RABEP1: variants seen among roughly 807,000 people sequenced by gnomAD.
RABEP1 encodes the protein rabaptin, RAB GTPase binding effector protein 1.
In RABEP1, 51 loss-of-function variants were observed where a neutral mutation model predicts 123.4. That is an observed-to-expected ratio of 0.41 (90% CI 0.33 to 0.52). The LOEUF (loss-of-function observed/expected upper bound fraction) is 0.52, where lower values mean the gene tolerates loss of function less well. RABEP1 is among the 20% of genes least tolerant of loss of function. The pLI is 0.16. For synonymous variants in RABEP1, 347 were observed against 355.2 expected (o/e 0.98, Z 0.26); for missense variants, 888 against 996.3 (o/e 0.89, Z 1.46).
chr17:5,291,471 AAATT>A (rs1224240423), intron 1 of RABEP1, among the ~76,000 whole-genome samples: 4 of 152,240 alleles, frequency 2.6e-5, no homozygotes, highest in South Asian at 4.1e-4. Context: ...TCTACATTTT[AAATT>A]AATTTTTATA....
rs1908835418 is a variant in RABEP1, at chr17:5,354,412, T to C, written c.1017T>C (p.Asp339=). ...LNKRKDHKKA[D]VEEEIKIPVV... ...AGAGAAAGGATCACAAAAAAGCAGATGTTGAGGAAGAAATAAAAATACCAG... is the reference window on the plus strand; with the variant it reads ...AGAGAAAGGATCACAAAAAAGCAGACGTTGAGGAAGAAATAAAAATACCAG... The change falls in exon 8 of 18, where the codon GAT becomes GAC. Residue 339 remains aspartate, a synonymous_variant. Coordinates refer to ENST00000537505, the MANE Select transcript of RABEP1 (RefSeq NM_004703.6). 6.2e-7 allele frequency: 1 copy of C among 1,613,098 alleles called. No homozygotes were observed. Among genetic ancestry groups the C allele is most frequent in the Non-Finnish European group, 8.5e-7 (1 of 1,179,484 alleles).
At chr17:5,337,442 T>C (rs1907199453) in intron 4 of RABEP1, among the ~76,000 whole-genome samples, 1 of 152,170 alleles carries the variant, frequency 6.6e-6, no homozygotes, top group African/African-American at 2.4e-5. Flanking sequence ...TCCCAGCACT[T>C]TGGGAGGCCG....
At position 5,385,929 on chromosome 17, in the gene RABEP1, A is replaced by AAACTC. The variant is rs1468946372; in HGVS notation, c.*2709_*2713dup. On this transcript the variant is annotated 3_prime_UTR_variant, in exon 18 of 18. Transcript: ENST00000537505. Reference sequence around the variant, plus strand: ...TAACTAACTTGCTCAAATATGGAGAAAACTCAATAGGGTTCAGGGAGGTTC... The same window carrying AAACTC: ...TAACTAACTTGCTCAAATATGGAGAAAACTCAACTCAATAGGGTTCAGGGAGGTTC... The AAACTC allele has an allele frequency of 2.7e-6, 1 of 367,416 alleles. No individual in the cohort carries two copies. The highest frequency in any genetic ancestry group is 4.8e-6 in the Non-Finnish European group (1 of 206,944). The allele number at this position is 367,416 out of a possible 1,614,324, so 22.8% of individuals were successfully genotyped here.
chr17:5,385,967 G>GTGTGAAA lies in RABEP1; in HGVS notation c.*2746_*2752dup, dbSNP rs1229324688. 8 of 468,912 alleles carry GTGTGAAA rather than the reference G, an allele frequency of 1.7e-5. No homozygotes were observed. The highest frequency in any genetic ancestry group is 4.0e-5 in the African/African-American group (2 of 49,384). The allele number at this position is 468,912 out of a possible 1,614,324, so 29.0% of individuals were successfully genotyped here. A position where few individuals can be genotyped will look rare whatever the true frequency, so the allele number is the denominator to read the frequency against. On this transcript the variant is annotated 3_prime_UTR_variant, in exon 18 of 18. Coordinates refer to ENST00000537505, the MANE Select transcript of RABEP1 (RefSeq NM_004703.6). The stretch of plus-strand genomic sequence containing the variant: ...TTCAGGGAGGTTCTGGCAGTGTGCA[G>GTGTGAAA]TGTGAAATAATCCTGAGTCCTTGCT...
chr17:5,328,200 A>G (rs970805968), intron 2 of RABEP1, among the ~76,000 whole-genome samples: 1 of 152,230 alleles, frequency 6.6e-6, no homozygotes, highest in African/African-American at 2.4e-5. Context: ...AAGGTAGTGT[A>G]TTTGTGATGT....
At chr17:5,286,989 C>A (rs913853970) in intron 1 of RABEP1, among the ~76,000 whole-genome samples, 1 of 152,112 alleles carries the variant, frequency 6.6e-6, no homozygotes, top group Non-Finnish European at 1.5e-5. Context: ...GAAGGGTGTT[C>A]TAGGCAGGGA....
intron 2 of RABEP1, among the ~76,000 whole-genome samples, chr17:5,309,085 C>G (rs774119303): frequency 4.6e-5 from 7 of 152,112 alleles, no homozygotes; most frequent in Non-Finnish European, 1.0e-4. Flanking sequence ...TGTTATTGCT[C>G]TTAACATTTG....
At chr17:5,287,620 A>C (rs1016154181) in intron 1 of RABEP1, among the ~76,000 whole-genome samples, 11 of 138,784 alleles carry the variant, frequency 7.9e-5, no homozygotes, top group African/African-American at 1.0e-4. Flanking sequence ...AAAAAAAAAA[A>C]AAACCCAAAA....
chr17:5,374,432 T>C (rs1910809880), intron 13 of RABEP1, among the ~76,000 whole-genome samples: 1 of 150,960 alleles, frequency 6.6e-6, no homozygotes, highest in African/African-American at 2.4e-5. Flanking sequence ...TTATCCAAGC[T>C]TAATTTTTAA....
At position 5,350,731 on chromosome 17, in the gene RABEP1, C is replaced by G. The variant is rs1908471088; in HGVS notation, c.963+102C>G. 1.8e-5 allele frequency: 23 copies of G among 1,297,062 alleles called. No homozygotes were observed. The South Asian group carries it at 2.7e-4, about 15-fold the overall frequency. The allele number at this position is 1,297,062 out of a possible 1,614,324, so 80.3% of individuals were successfully genotyped here. A position where few individuals can be genotyped will look rare whatever the true frequency, so the allele number is the denominator to read the frequency against. On this transcript the variant is annotated intron_variant, in intron 7 of 17. Transcript: ENST00000537505. ...TATTAGAGACTGACTTAAGCTGCAA[C>G]AAGGTGATAAAGGTGATATGTGCCA...
In RABEP1 at chr17:5,368,384, C is replaced by G. The variant is rs117426331; in HGVS notation, c.1800C>G (p.Val600=). ...EDSSHQISAL[V]LRAQASEILL... is the part of the protein sequence containing the mutation. ...TTTTTTTAAAGATCTCTGCACTCGTCCTAAGAGCCCAGGCCTCCGAGATCT... is the reference window on the plus strand; with the variant it reads ...TTTTTTTAAAGATCTCTGCACTCGTGCTAAGAGCCCAGGCCTCCGAGATCT... The change falls in exon 12 of 18, where the codon GTC becomes GTG. Residue 600 remains valine, a synonymous_variant. Transcript: ENST00000537505. 1.2e-6 allele frequency: 2 copies of G among 1,612,820 alleles called. No homozygotes were observed. The highest frequency in any genetic ancestry group is 1.7e-6 in the Non-Finnish European group (2 of 1,179,108).
intron 1 of RABEP1, among the ~76,000 whole-genome samples, chr17:5,301,510 T>C (rs1420647772): frequency 6.6e-6 from 1 of 152,156 alleles, no homozygotes; most frequent in Non-Finnish European, 1.5e-5. Flanking sequence ...CACAAACTGT[T>C]TTTAATGGTC....
intron 1 of RABEP1, among the ~76,000 whole-genome samples, chr17:5,296,858 A>G (rs78969702): frequency 0.012 from 1,831 of 152,090 alleles, 18 homozygotes; most frequent in Non-Finnish European, 0.019. Flanking sequence ...TTGATCCTCA[A>G]CCTTCTGAGC....
chr17:5,376,996 C>G, intron 13 of RABEP1, 120 bp from the exon 14 acceptor site: 1 of 1,061,218 alleles, frequency 9.4e-7, no homozygotes, highest in Non-Finnish European at 1.4e-6. Context: ...GCTTAATGGT[C>G]AAAGTCTTAA....
At chr17:5,284,554 C>T (rs777072058) in intron 1 of RABEP1, among the ~76,000 whole-genome samples, 1 of 151,562 alleles carries the variant, frequency 6.6e-6, no homozygotes, top group Non-Finnish European at 1.5e-5. Flanking sequence ...CAGCCTCGAC[C>T]TCCTGGGGTC....
intron 4 of RABEP1, chr17:5,336,581 C>T (rs1221499408): frequency 2.5e-6 from 1 of 399,430 alleles, no homozygotes; most frequent in Non-Finnish European, 4.7e-6. Flanking sequence ...TTTTTAATGA[C>T]CTTTCTGTCA....
At chr17:5,317,202 G>T (rs1170305287) in intron 2 of RABEP1, among the ~76,000 whole-genome samples, 1 of 152,038 alleles carries the variant, frequency 6.6e-6, no homozygotes, top group Non-Finnish European at 1.5e-5. Context: ...TCTCACAAAA[G>T]AACTAGCAAA....
intron 14 of RABEP1, among the ~76,000 whole-genome samples, chr17:5,377,637 C>T (rs1349293615): frequency 1.3e-5 from 2 of 149,826 alleles, no homozygotes; most frequent in East Asian, 4.0e-4. Context: ...GGCAATTCTG[C>T]TGCCTCAGCC....
chr17:5,383,387 C>T lies in RABEP1; in HGVS notation c.*164C>T. The T allele has an allele frequency of 1.6e-6, 1 of 623,964 alleles. No homozygotes were observed. The allele number at this position is 623,964 out of a possible 1,614,324, so 38.7% of individuals were successfully genotyped here. ...GGAGAAGACTGTGCGGCACAGGAAACAGCAAACAGTGGGGTGATCTGCAGC... is the reference window on the plus strand; with the variant it reads ...GGAGAAGACTGTGCGGCACAGGAAATAGCAAACAGTGGGGTGATCTGCAGC... On this transcript the variant is annotated 3_prime_UTR_variant, in exon 18 of 18. Transcript: ENST00000537505.
Sources: allele counts gnomAD v4.1 joint callset (sites outside exome capture counted in the v4.1 genomes callset), GRCh38; gene constraint gnomAD v4.1.1; transcripts MANE v1.5; gene names NCBI Gene and HGNC (gene_info 2026-07-23, HGNC 2026-07-21).